GPR139: variants seen among roughly 807,000 people sequenced by gnomAD.
GPR139 encodes G protein-coupled receptor 139.
A neutral mutation model predicts 25.8 loss-of-function variants in GPR139; 12 were observed. The observed-to-expected ratio is 0.47, with a 90% CI of 0.30 to 0.75. GPR139 has a LOEUF of 0.75. GPR139 is among the 30% of genes least tolerant of loss of function. The probability of loss-of-function intolerance (pLI) is 0.07; values close to 1 mark genes in which losing one functional copy is unlikely to be tolerated. For missense variants in GPR139, 380 were observed against 450.2 expected, an observed-to-expected ratio of 0.84 and a Z score of 1.41; for synonymous variants, 184 against 179.9, an observed-to-expected ratio of 1.02 and a Z score of -0.18.
intron 1 of GPR139, among the ~76,000 whole-genome samples, chr16:20,072,503 T>G (rs1393721498): frequency 6.6e-6 from 1 of 152,114 alleles, no homozygotes; most frequent in Non-Finnish European, 1.5e-5. Flanking sequence ...AGTCCCTCTC[T>G]CCTCTCTGCA....
At position 20,032,237 on chromosome 16, in the gene GPR139, T is replaced by A; in HGVS notation, c.560A>T (p.His187Leu). Reference protein sequence around the residue: ...TSVHHVLIWIHCFTVYLVPCS... With the variant: ...TSVHHVLIWILCFTVYLVPCS... ...GGGCACCAGGTAGACGGTGAAGCAG[T>A]GGATCCAGATGAGGACGTGATGCAC... Residue 187 changes from histidine (H) to leucine (L), a missense_variant, in exon 2 of 2, where the codon CAC becomes CTC. Coordinates refer to ENST00000570682, the MANE Select transcript of GPR139 (RefSeq NM_001002911.4). The A allele has an allele frequency of 3.7e-6, 6 of 1,614,140 alleles. No homozygotes were observed. The highest frequency in any genetic ancestry group is 5.1e-6 in the Non-Finnish European group (6 of 1,180,018).
chr16:20,048,006 G>A (rs1319916737), intron 1 of GPR139, among the ~76,000 whole-genome samples: 3 of 152,222 alleles, frequency 2.0e-5, no homozygotes, highest in Admixed American at 1.3e-4. Context: ...AGGGCAGGAA[G>A]TGTGCCTGCT....
At chr16:20,036,552 A>C (rs1032671969) in intron 1 of GPR139, among the ~76,000 whole-genome samples, 5 of 152,220 alleles carry the variant, frequency 3.3e-5, no homozygotes, top group African/African-American at 1.2e-4. Flanking sequence ...CACGTCTTAC[A>C]TGGTGGCCAG....
intron 1 of GPR139, among the ~76,000 whole-genome samples, chr16:20,072,006 A>G (rs1023214146): frequency 1.3e-5 from 2 of 152,154 alleles, no homozygotes; most frequent in African/African-American, 4.8e-5. Flanking sequence ...CAAATAACCA[A>G]CCTTCTCAAA....
chr16:20,061,897 GC>G (rs2057415589), intron 1 of GPR139, among the ~76,000 whole-genome samples: 2 of 152,186 alleles, frequency 1.3e-5, no homozygotes, highest in African/African-American at 4.8e-5. Context: ...TGGGGTCAAG[GC>G]CCAGCTCTGC....
intron 1 of GPR139, among the ~76,000 whole-genome samples, chr16:20,038,325 A>ATG (rs748458775): frequency 6.1e-5 from 3 of 48,854 alleles, no homozygotes; most frequent in South Asian, 9.3e-4. Flanking sequence ...TGGATAATAT[A>ATG]TATATGTGTG....
chr16:20,039,755 A>G (rs1331652095), intron 1 of GPR139, among the ~76,000 whole-genome samples: 1 of 152,130 alleles, frequency 6.6e-6, no homozygotes, highest in Non-Finnish European at 1.5e-5. Flanking sequence ...TAATGACTAC[A>G]TTAGAAATTA....
chr16:20,065,883 A>C (rs1290233893), intron 1 of GPR139, among the ~76,000 whole-genome samples: 3 of 152,264 alleles, frequency 2.0e-5, no homozygotes, highest in African/African-American at 7.2e-5. Flanking sequence ...ATCTCAAAAA[A>C]AAAAAAAAAA....
Position 20,030,479 on chromosome 16 carries a change from A to G in GPR139, c.*1256T>C, listed in dbSNP as rs1327939870. ...AGTAGCAATTTCCAGGGATGCCCCT[A>G]TTCATTACATCCTAGAAATGTTCTT... On this transcript the variant is annotated 3_prime_UTR_variant, in exon 2 of 2. Coordinates refer to ENST00000570682, the MANE Select transcript of GPR139 (RefSeq NM_001002911.4). 6.6e-6 allele frequency among the ~76,000 whole-genome samples: 1 copy of G among 152,214 alleles called. No individual in the cohort carries two copies.
At chr16:20,040,970 GC>G (rs2141203688) in intron 1 of GPR139, among the ~76,000 whole-genome samples, 1 of 151,590 alleles carries the variant, frequency 6.6e-6, no homozygotes, top group Non-Finnish European at 1.5e-5. Flanking sequence ...GAAAAAAGAA[GC>G]CACTTACCCC....
chr16:20,047,385 C>G (rs776772843), intron 1 of GPR139, among the ~76,000 whole-genome samples: 2 of 152,180 alleles, frequency 1.3e-5, no homozygotes, highest in East Asian at 3.9e-4. Flanking sequence ...AGATTACAGG[C>G]GTGAGCCACT....
At chr16:20,071,035 C>T (rs993399494) in intron 1 of GPR139, 65 of 980,784 alleles carry the variant, frequency 6.6e-5, no homozygotes, top group Non-Finnish European at 7.0e-5. Context: ...ATGACCACAG[C>T]AGTGCAGTGT....
At chr16:20,035,470 A>G (rs1010709707) in intron 1 of GPR139, among the ~76,000 whole-genome samples, 1 of 152,364 alleles carries the variant, frequency 6.6e-6, no homozygotes, top group Admixed American at 6.5e-5. Flanking sequence ...GCATTAATGC[A>G]TTCATGCATT....
intron 1 of GPR139, among the ~76,000 whole-genome samples, chr16:20,041,109 CAGAAAGGAAAGGAAA>C (rs2057328505): frequency 9.7e-6 from 1 of 103,274 alleles, no homozygotes; most frequent in Non-Finnish European, 1.7e-5. Context: ...GACTCTGACC[CAGAAAGGAAAGGAAA>C]GGAAAGGAGA....
intron 1 of GPR139, among the ~76,000 whole-genome samples, chr16:20,044,133 C>T (rs2057346082): frequency 6.6e-6 from 1 of 152,162 alleles, no homozygotes; most frequent in South Asian, 2.1e-4. Flanking sequence ...AATAAGCAGT[C>T]ATGTTATTAA....
Position 20,032,276 on chromosome 16 carries a change from T to A in GPR139, c.521A>T (p.Tyr174Phe). 6.2e-7 allele frequency: 1 copy of A among 1,614,194 alleles called. No individual in the cohort carries two copies. The highest frequency in any genetic ancestry group is 8.5e-7 in the Non-Finnish European group (1 of 1,180,032). The change falls in exon 2 of 2, where the codon TAC becomes TTC. Residue 174 changes from tyrosine (Y) to phenylalanine (F), a missense_variant. By Grantham distance (22) the Tyr-to-Phe change is conservative (BLOSUM62 3). Coordinates refer to ENST00000570682, the MANE Select transcript of GPR139 (RefSeq NM_001002911.4). ...GACGTGATGCACAGAGGTGCTGATG[T>A]AGTCTTCAGTCCAGATGTTGGGCCA... is the stretch of plus-strand genomic sequence containing the variant. The part of the protein sequence containing the change: ...YWWPNIWTED[Y>F]ISTSVHHVLI...
intron 1 of GPR139, among the ~76,000 whole-genome samples, chr16:20,035,320 G>A (rs141117107): frequency 6.6e-6 from 1 of 152,280 alleles, no homozygotes; most frequent in Non-Finnish European, 1.5e-5. Context: ...CTTATTCCCA[G>A]TGGGCTGGGG....
rs779648316 is a variant in GPR139, at chr16:20,032,479, C to T, written c.318G>A (p.Val106=). 2 of 1,614,132 alleles carry T rather than the reference C, an allele frequency of 1.2e-6. No individual in the cohort carries two copies. Among genetic ancestry groups the T allele is most frequent in the Non-Finnish European group, 8.5e-7 (1 of 1,180,010 alleles). Residue 106 remains valine (V), a synonymous_variant, in exon 2 of 2, where the codon GTG becomes GTA. Coordinates refer to ENST00000570682, the MANE Select transcript of GPR139 (RefSeq NM_001002911.4). ...MPQVPDKIIE[V]LEFSSIHTSI... is the part of the protein sequence containing the mutation. ...AGGTGTGGATGGATGAGAATTCCAG[C>T]ACTTCTATGATCTTGTCGGGGACCT...
chr16:20,060,232 G>A (rs1339039328), intron 1 of GPR139, among the ~76,000 whole-genome samples: 4 of 151,740 alleles, frequency 2.6e-5, no homozygotes, highest in Non-Finnish European at 4.4e-5. Context: ...TACACCTTTG[G>A]CTGCAGGGTG....
Sources: gnomAD v4.1 joint callset for allele counts (sites outside exome capture counted in the v4.1 genomes callset) on GRCh38, gnomAD v4.1.1 for gene constraint, MANE v1.5 for transcripts, NCBI Gene and HGNC (gene_info 2026-07-23, HGNC 2026-07-21) for gene names.